LRRC4C: variants seen among roughly 807,000 people sequenced by gnomAD.
The protein encoded by LRRC4C is leucine-rich repeat-containing protein 4C.
A neutral mutation model predicts 33.6 loss-of-function variants in LRRC4C; 5 were observed. That is an observed-to-expected ratio of 0.15 (90% confidence interval 0.08 to 0.31). The LOEUF is 0.31. LRRC4C is among the 10% of genes least tolerant of loss of function. The pLI, the probability that LRRC4C is intolerant of heterozygous loss-of-function variation, is 1.00. For synonymous variants in LRRC4C, 329 were observed against 302.0 expected (o/e 1.09, Z -0.93); for missense variants, 560 against 796.7 (o/e 0.70, Z 3.58).
At chr11:40,549,185 T>C (rs1400874298) in intron 3 of LRRC4C, among the ~76,000 whole-genome samples, 2 of 152,160 alleles carry the variant, frequency 1.3e-5, no homozygotes, top group Admixed American at 6.6e-5. Flanking sequence ...GAAGATTTCC[T>C]TCCTTTATAA....
chr11:40,698,067 C>CAA (rs10713512), intron 2 of LRRC4C, among the ~76,000 whole-genome samples: 1,123 of 105,266 alleles, frequency 0.011, 8 homozygotes, highest in Non-Finnish European at 0.015. Context: ...GACTCTGTCT[C>CAA]AAAAAAAAAA....
chr11:40,791,855 T>G (rs944180951), intron 2 of LRRC4C, among the ~76,000 whole-genome samples: 1 of 152,102 alleles, frequency 6.6e-6, no homozygotes, highest in Non-Finnish European at 1.5e-5. Flanking sequence ...TTTAGAATAT[T>G]TAAATGGAAG....
chr11:40,308,475 A>G (rs977531684), intron 4 of LRRC4C, among the ~76,000 whole-genome samples: 4 of 152,196 alleles, frequency 2.6e-5, no homozygotes, highest in African/African-American at 9.7e-5. Flanking sequence ...GGCAAAAGGG[A>G]CCTTGCAGGT....
chr11:40,865,432 A>T (rs1215071176), intron 2 of LRRC4C, among the ~76,000 whole-genome samples: 1 of 151,878 alleles, frequency 6.6e-6, no homozygotes, highest in East Asian at 1.9e-4. Flanking sequence ...ACAAAATGTT[A>T]AGTATTCTCA....
intron 3 of LRRC4C, among the ~76,000 whole-genome samples, chr11:40,348,068 T>A (rs1033164222): frequency 6.6e-6 from 1 of 152,162 alleles, no homozygotes; most frequent in Non-Finnish European, 1.5e-5. Flanking sequence ...ATGTGTTATA[T>A]GGGCATGGAT....
intron 3 of LRRC4C, among the ~76,000 whole-genome samples, chr11:40,513,900 C>T (rs10837430): frequency 0.56 from 85,761 of 151,806 alleles, 24,600 homozygotes; most frequent in East Asian, 0.81. Flanking sequence ...TAGAAACCAA[C>T]CAAATGAAGT....
At chr11:40,215,979 G>A (rs1863944618) in intron 5 of LRRC4C, among the ~76,000 whole-genome samples, 1 of 152,118 alleles carries the variant, frequency 6.6e-6, no homozygotes, top group African/African-American at 2.4e-5. Context: ...GAGAAACATG[G>A]CCTTCTTTGT....
chr11:40,574,918 C>T (rs887401843), intron 3 of LRRC4C, among the ~76,000 whole-genome samples: 2 of 152,156 alleles, frequency 1.3e-5, no homozygotes, highest in African/African-American at 4.8e-5. Flanking sequence ...GGTTGCACGC[C>T]ATCTCCAGAG....
At chr11:40,972,136 ATTT>A (rs3075563) in intron 1 of LRRC4C, among the ~76,000 whole-genome samples, 3 of 137,860 alleles carry the variant, frequency 2.2e-5, no homozygotes, top group African/African-American at 5.3e-5. Flanking sequence ...GGAAGCCATA[ATTT>A]TTTTTTTTTT....
chr11:41,308,591 C>T (rs924156923), intron 1 of LRRC4C, among the ~76,000 whole-genome samples: 5 of 152,124 alleles, frequency 3.3e-5, no homozygotes, highest in Admixed American at 2.0e-4. Flanking sequence ...AATATTAAAA[C>T]CACAGGTATT....
At chr11:41,138,808 C>T (rs1021122478) in intron 1 of LRRC4C, among the ~76,000 whole-genome samples, 2 of 152,148 alleles carry the variant, frequency 1.3e-5, no homozygotes, top group African/African-American at 4.8e-5. Flanking sequence ...AAAATAATTA[C>T]TACACAAAAA....
In LRRC4C at chr11:40,308,530, C is replaced by T. The variant is rs531265774; in HGVS notation, c.-176+11098G>A. 5.9e-5 allele frequency among the ~76,000 whole-genome samples: 9 copies of T among 152,244 alleles called. No individual in the cohort carries two copies. The East Asian group carries it at 1.2e-3, about 20-fold the overall frequency. On this transcript the variant is annotated intron_variant, in intron 4 of 6. Coordinates refer to ENST00000528697, the MANE Select transcript of LRRC4C (RefSeq NM_001258419.2). ...TGAAATGGGAGATTATCCTGGATGA[C>T]CTGGTGGGTCCAATGTAATTATAAG...
intron 1 of LRRC4C, among the ~76,000 whole-genome samples, chr11:41,269,756 G>A (rs1278063982): frequency 6.6e-6 from 1 of 152,058 alleles, no homozygotes; most frequent in Non-Finnish European, 1.5e-5. Flanking sequence ...TGGCTTACAT[G>A]CATACAGGTT....
At chr11:41,040,302 C>A (rs1857354073) in intron 1 of LRRC4C, among the ~76,000 whole-genome samples, 1 of 150,946 alleles carries the variant, frequency 6.6e-6, no homozygotes, top group East Asian at 1.9e-4. Context: ...GCCAAATTTT[C>A]AAAGGAATGC....
chr11:41,372,091 C>G (rs1049121644), intron 1 of LRRC4C, among the ~76,000 whole-genome samples: 2 of 152,196 alleles, frequency 1.3e-5, no homozygotes, highest in African/African-American at 4.8e-5. Context: ...GAGCCAAGAT[C>G]GTGCCACTGC....
At chr11:40,640,467 T>G (rs1942039198) in intron 3 of LRRC4C, among the ~76,000 whole-genome samples, 1 of 152,056 alleles carries the variant, frequency 6.6e-6, no homozygotes, top group South Asian at 2.1e-4. Flanking sequence ...GGGTGAAGCT[T>G]TTCAAATACC....
At chr11:40,721,730 C>T (rs953978019) in intron 2 of LRRC4C, among the ~76,000 whole-genome samples, 1 of 152,110 alleles carries the variant, frequency 6.6e-6, no homozygotes, top group African/African-American at 2.4e-5. Flanking sequence ...GTGGGCGGAT[C>T]ACGAGGTCAG....
intron 1 of LRRC4C, among the ~76,000 whole-genome samples, chr11:41,201,105 C>T (rs1390085978): frequency 6.6e-6 from 1 of 152,196 alleles, no homozygotes; most frequent in Non-Finnish European, 1.5e-5. Flanking sequence ...TCCCTCCCTA[C>T]AATGTGATCC....
At chr11:40,335,213 C>A (rs1254291036) in intron 3 of LRRC4C, among the ~76,000 whole-genome samples, 1 of 152,004 alleles carries the variant, frequency 6.6e-6, no homozygotes, top group African/African-American at 2.4e-5. Flanking sequence ...AGAATGCAAC[C>A]TGTGTCTGTT....
Sources: allele counts gnomAD v4.1 joint callset (sites outside exome capture counted in the v4.1 genomes callset), GRCh38; gene constraint gnomAD v4.1.1; transcripts MANE v1.5; gene names NCBI Gene and HGNC (gene_info 2026-07-23, HGNC 2026-07-21).